MTCL1: variants seen among roughly 807,000 people sequenced by gnomAD.
MTCL1 encodes microtubule cross-linking factor 1.
MTCL1 carries 79 observed loss-of-function variants against 141.4 expected under a neutral mutation model. The observed-to-expected ratio is 0.56, with a 90% confidence interval of 0.47 to 0.67. The LOEUF (loss-of-function observed/expected upper bound fraction) is 0.67. Among genes scored for constraint, MTCL1 ranks in the 30% least tolerant of loss-of-function variants. The pLI, the probability that MTCL1 is intolerant of heterozygous loss-of-function variation, is 0.00. For synonymous variants in MTCL1, 914 were observed against 875.8 expected (o/e 1.04, Z -0.77); for missense variants, 2,177 against 2,113.9 (o/e 1.03, Z -0.59).
At chr18:8,760,572 C>G (rs866784451) in intron 4 of MTCL1, among the ~76,000 whole-genome samples, 2 of 152,230 alleles carry the variant, frequency 1.3e-5, no homozygotes, top group African/African-American at 4.8e-5. Flanking sequence ...AGAGCTATAT[C>G]AGGAATAGAA....
In MTCL1 at chr18:8,831,574, G is replaced by A; in HGVS notation, c.*19-33G>A. ...CATCCACTGGTGACACTGCCGGTCT[G>A]AGTAACCCTGTCTCCCTTTCTCGGC... On this transcript the variant is annotated intron_variant, in intron 16 of 16. Coordinates refer to ENST00000359865, the Ensembl canonical transcript of MTCL1. 3.9e-6 allele frequency: 6 copies of A among 1,546,106 alleles called. No homozygotes were observed. In the South Asian group the frequency reaches 7.2e-5, roughly 18 times the overall value.
chr18:8,762,604 G>A (rs2096438025), intron 4 of MTCL1, among the ~76,000 whole-genome samples: 2 of 152,234 alleles, frequency 1.3e-5, no homozygotes, highest in Admixed American at 1.3e-4. Context: ...GAGGAAGGAC[G>A]GAAATTGATG....
intron 4 of MTCL1, among the ~76,000 whole-genome samples, chr18:8,726,531 GTGCGC>G (rs1161953861): frequency 0.15 from 14,508 of 94,074 alleles, 1,226 homozygotes; most frequent in Admixed American, 0.28. Flanking sequence ...GAGAGAGCGA[GTGCGC>G]ATGCGCGCGC....
exon 17 of MTCL1, chr18:8,831,982 C>A: frequency 1.3e-6 from 1 of 747,112 alleles, no homozygotes; most frequent in Non-Finnish European, 2.1e-6. Flanking sequence ...TAGAATGAAA[C>A]AGTAAATGTG....
At chr18:8,813,184 G>A (rs750025121) in exon 12 of MTCL1, 33 of 1,613,116 alleles carry the variant, frequency 2.0e-5, no homozygotes, top group South Asian at 4.4e-5. Flanking sequence ...GACAGAGATC[G>A]GCAGGAGTGG....
At chr18:8,784,159 C>T (rs372352703) in exon 6 of MTCL1, 50 of 1,613,626 alleles carry the variant, frequency 3.1e-5, no homozygotes, top group South Asian at 7.7e-5. Flanking sequence ...GCGAGCTCAG[C>T]GGCAAGGTGC....
At chr18:8,765,341 G>A (rs1448089527) in intron 4 of MTCL1, among the ~76,000 whole-genome samples, 5 of 152,244 alleles carry the variant, frequency 3.3e-5, no homozygotes, top group Admixed American at 1.3e-4. Flanking sequence ...AGCCCAAGGG[G>A]CAAGAAATGA....
At chr18:8,826,158 G>T (rs1338495543) in exon 15 of MTCL1, 1 of 1,613,024 alleles carries the variant, frequency 6.2e-7, no homozygotes, top group African/African-American at 1.3e-5. Flanking sequence ...GAGGAGGCAG[G>T]CTGCCCACGG....
At chr18:8,815,324 G>A (rs541691675) in intron 12 of MTCL1, among the ~76,000 whole-genome samples, 265 of 152,006 alleles carry the variant, frequency 1.7e-3, no homozygotes, top group African/African-American at 6.3e-3. Flanking sequence ...CCTTTGTAGG[G>A]ACATGGATGA....
chr18:8,731,548 TG>T, intron 4 of MTCL1, among the ~76,000 whole-genome samples: 1 of 152,046 alleles, frequency 6.6e-6, no homozygotes, highest in Non-Finnish European at 1.5e-5. Context: ...CACTCCAGCC[TG>T]GGGGGCAAGA....
intron 4 of MTCL1, among the ~76,000 whole-genome samples, chr18:8,775,514 A>G (rs2096503863): frequency 6.6e-6 from 1 of 152,090 alleles, no homozygotes; most frequent in Non-Finnish European, 1.5e-5. Flanking sequence ...CAGAGGTTGC[A>G]GTGAGCCGAG....
At chr18:8,791,970 C>T (rs2075743852) in intron 7 of MTCL1, among the ~76,000 whole-genome samples, 1 of 152,152 alleles carries the variant, frequency 6.6e-6, no homozygotes, top group African/African-American at 2.4e-5. Flanking sequence ...AAGGGAGGTG[C>T]TCTGCTCTTT....
rs148740984 is a variant in MTCL1, at chr18:8,710,086, C to T, written c.1053+3373C>T. On this transcript the variant is annotated intron_variant, in intron 1 of 13. Coordinates refer to the MTCL1 transcript ENST00000306329. ...AACTCCTGACTTCAGGTGATCTGCCCGCCTCGGCTTCCCAAAGTGCTGGGA... is the reference window on the plus strand; with the variant it reads ...AACTCCTGACTTCAGGTGATCTGCCTGCCTCGGCTTCCCAAAGTGCTGGGA... 6.4e-3 allele frequency among the ~76,000 whole-genome samples: 970 copies of T among 152,252 alleles called. 15 individuals carry two copies. The highest frequency in any genetic ancestry group is 0.022 in the African/African-American group (900 of 41,522).
At chr18:8,806,817 A>G (rs11877424) in intron 10 of MTCL1, 76 bp from the exon 10 acceptor site, 108,398 of 1,502,860 alleles carry the variant, frequency 0.072, 5,158 homozygotes, top group African/African-American at 0.2. Flanking sequence ...CTACCTTGAT[A>G]GCCAGATCCT....
intron 4 of MTCL1, among the ~76,000 whole-genome samples, chr18:8,741,471 G>C (rs2096302930): frequency 6.6e-6 from 1 of 152,152 alleles, no homozygotes; most frequent in African/African-American, 2.4e-5. Flanking sequence ...CTTAATAGAA[G>C]GAACTGGCTG....
chr18:8,714,850 G>A (rs540783358), upstream of MTCL1, among the ~76,000 whole-genome samples: 9 of 152,002 alleles, frequency 5.9e-5, no homozygotes, highest in South Asian at 6.2e-4. Context: ...AGGCTGGAGT[G>A]CAGTGGCGCG....
chr18:8,826,299 G>A lies in MTCL1; in HGVS notation c.4722+67G>A, dbSNP rs1598829602. 5 of 1,379,864 alleles carry A rather than the reference G, an allele frequency of 3.6e-6. No individual in the cohort carries two copies. The East Asian group carries it at 1.2e-4, about 34-fold the overall frequency. 85.5% of individuals were successfully genotyped at this position (1,379,864 alleles called of 1,614,324 possible). A position where few individuals can be genotyped will look rare whatever the true frequency, so the allele number is the denominator to read the frequency against. ...TTCCCTTTAGCTGTGGGGCAGGTTGGGACTTGGGATTGTGCTCTGTCATTT... is the reference window on the plus strand; with the variant it reads ...TTCCCTTTAGCTGTGGGGCAGGTTGAGACTTGGGATTGTGCTCTGTCATTT... On this transcript the variant is annotated intron_variant, in intron 15 of 16. Coordinates refer to ENST00000359865, the Ensembl canonical transcript of MTCL1.
intron 4 of MTCL1, among the ~76,000 whole-genome samples, chr18:8,761,570 A>G (rs957063012): frequency 6.6e-6 from 1 of 152,130 alleles, no homozygotes; most frequent in Non-Finnish European, 1.5e-5. Flanking sequence ...TGGGTATCTC[A>G]TATGTATTAG....
intron 1 of MTCL1, among the ~76,000 whole-genome samples, chr18:8,710,457 CTTTTT>C (rs59830434): frequency 8.2e-6 from 1 of 121,818 alleles, no homozygotes; most frequent in Non-Finnish European, 1.7e-5. Flanking sequence ...CAGGCACTTT[CTTTTT>C]TTTTTTTTTT....
Sources: allele counts gnomAD v4.1 joint callset (sites outside exome capture counted in the v4.1 genomes callset), GRCh38; gene constraint gnomAD v4.1.1; transcripts MANE v1.5; gene names NCBI Gene and HGNC (gene_info 2026-07-23, HGNC 2026-07-21).